The following IQCM variants were observed in gnomAD, a reference collection of about 807,000 sequenced individuals.
The protein encoded by IQCM is IQ motif containing M, also known as IQ domain-containing protein M.
Under a neutral mutation model 57.6 loss-of-function variants are expected in IQCM, and 45 were observed. The ratio of observed to expected loss-of-function variants is 0.78; its 90% CI spans 0.62 to 1.00. IQCM has a LOEUF of 1.00. Ranked by LOEUF, IQCM falls within the 50% of genes least tolerant of loss-of-function variation. IQCM has a pLI of 0.00. For synonymous variants in IQCM, 148 were observed against 158.9 expected (o/e 0.93, Z 0.51); for missense variants, 468 against 511.6 (o/e 0.91, Z 0.82).
intron 7 of IQCM, among the ~76,000 whole-genome samples, chr4:149,646,637 G>A (rs745528371): frequency 6.6e-5 from 10 of 151,986 alleles, no homozygotes; most frequent in African/African-American, 1.7e-4. Context: ...ATTTCCATAC[G>A]CTGAAGTTCT....
chr4:149,562,508 C>T (rs920432511), intron 10 of IQCM, among the ~76,000 whole-genome samples: 4 of 152,280 alleles, frequency 2.6e-5, no homozygotes, highest in East Asian at 3.9e-4. Context: ...ATTAGTTCAT[C>T]TCATTTTGGA....
chr4:149,742,560 G>T, intron 3 of IQCM, 95 bp downstream of exon 3: 1 of 607,296 alleles, frequency 1.6e-6, no homozygotes, highest in Non-Finnish European at 2.4e-6. Context: ...GCCAATAAGT[G>T]TAGTGCTCTG....
At chr4:149,395,471 A>G (rs1325481402) in intron 13 of IQCM, among the ~76,000 whole-genome samples, 1 of 152,056 alleles carries the variant, frequency 6.6e-6, no homozygotes, top group Non-Finnish European at 1.5e-5. Context: ...AATGATTTAC[A>G]TATGAGCATG....
intron 12 of IQCM, among the ~76,000 whole-genome samples, chr4:149,495,487 A>G (rs972577420): frequency 3.6e-4 from 55 of 152,154 alleles, no homozygotes; most frequent in African/African-American, 1.3e-3. Flanking sequence ...TCAAAAATCC[A>G]TGACTCTGAC....
rs187696589 is a variant in IQCM at position 149,575,109 on chromosome 4, C to T, written c.750-11219G>A. 2.2e-4 allele frequency among the ~76,000 whole-genome samples: 34 copies of T among 152,000 alleles called. No individual in the cohort carries two copies. The East Asian group carries it at 5.7e-3, about 25-fold the overall frequency. The stretch of plus-strand genomic sequence containing the variant: ...TGGATCTGCTGCTACCAAGCTGTGT[C>T]GAGGGCTTTCGTTTTCTGTACGTGC... On this transcript the variant is annotated intron_variant, in intron 9 of 13. Transcript: ENST00000636793.
intron 7 of IQCM, among the ~76,000 whole-genome samples, chr4:149,651,394 G>A (rs1454023627): frequency 6.6e-6 from 1 of 152,140 alleles, no homozygotes; most frequent in East Asian, 1.9e-4. Flanking sequence ...AACAAAGTGA[G>A]TTGCCCTTCA....
chr4:149,433,149 A>G (rs529072748), intron 13 of IQCM, among the ~76,000 whole-genome samples: 1 of 152,192 alleles, frequency 6.6e-6, no homozygotes, highest in East Asian at 1.9e-4. Context: ...GCAAAAGTGA[A>G]AACAACCCAA....
chr4:149,694,579 T>C (rs1763198513), intron 5 of IQCM, among the ~76,000 whole-genome samples: 1 of 152,014 alleles, frequency 6.6e-6, no homozygotes, highest in South Asian at 2.1e-4. Context: ...CATCTCTATT[T>C]CAGATTGTAA....
In IQCM at chr4:149,465,084, TAAC is replaced by T. The variant is rs539560363; in HGVS notation, c.1229-31530_1229-31528del. Among the ~76,000 whole-genome samples, 256 of 152,270 alleles carry T rather than the reference TAAC, an allele frequency of 1.7e-3. 2 individuals carry two copies. The highest frequency in any genetic ancestry group is 5.7e-3 in the African/African-American group (237 of 41,552). On this transcript the variant is annotated intron_variant, in intron 12 of 13. Coordinates refer to ENST00000636793, the MANE Select transcript of IQCM (RefSeq NM_001363507.2). ...CAGCTTACACAAGTGCCCAAACTAT[TAAC>T]AACAGGATTGATAACACATTCAAGA...
At chr4:149,509,094 C>T (rs1744137400) in intron 12 of IQCM, among the ~76,000 whole-genome samples, 1 of 152,068 alleles carries the variant, frequency 6.6e-6, no homozygotes, top group Admixed American at 6.5e-5. Flanking sequence ...TTGTAAATTG[C>T]CCAGTCTTGG....
At chr4:149,516,202 T>C (rs1744948314) in intron 12 of IQCM, among the ~76,000 whole-genome samples, 1 of 152,086 alleles carries the variant, frequency 6.6e-6, no homozygotes, top group Admixed American at 6.6e-5. Context: ...AGCTACCTGG[T>C]GGTAGGTTGA....
chr4:149,414,396 A>G (rs1205465433), intron 13 of IQCM, among the ~76,000 whole-genome samples: 1 of 152,154 alleles, frequency 6.6e-6, no homozygotes, highest in East Asian at 1.9e-4. Flanking sequence ...TTTCTATTAT[A>G]TAAGAATGCT....
intron 12 of IQCM, among the ~76,000 whole-genome samples, chr4:149,515,323 C>G (rs1411591344): frequency 6.6e-6 from 1 of 152,072 alleles, no homozygotes; most frequent in Non-Finnish European, 1.5e-5. Context: ...CCCATCTAGA[C>G]CCATAAAGTG....
chr4:149,813,712 T>G (rs1048256922), intron 2 of IQCM, among the ~76,000 whole-genome samples: 9 of 152,106 alleles, frequency 5.9e-5, no homozygotes, highest in African/African-American at 2.2e-4. Context: ...CTAAGCATCT[T>G]TATATTGAGC....
chr4:149,558,450 A>C (rs1357567085), intron 10 of IQCM, among the ~76,000 whole-genome samples: 5 of 152,238 alleles, frequency 3.3e-5, no homozygotes, highest in Non-Finnish European at 7.3e-5. Flanking sequence ...AAGAATGTAC[A>C]AGACTTTGCG....
At chr4:149,491,071 C>T (rs1742041437) in intron 12 of IQCM, among the ~76,000 whole-genome samples, 1 of 152,022 alleles carries the variant, frequency 6.6e-6, no homozygotes, top group South Asian at 2.1e-4. Flanking sequence ...TCTTGTGGAA[C>T]TGTGGATAAA....
rs138989539 is a variant in IQCM at position 149,790,327 on chromosome 4, C to T, written c.-49+24984G>A. The T allele has an allele frequency of 4.0e-3, 851 of 212,308 alleles. 4 individuals carry two copies. Among genetic ancestry groups the T allele is most frequent in the Non-Finnish European group, 6.2e-3 (597 of 96,480 alleles). 13.2% of individuals were successfully genotyped at this position (212,308 alleles called of 1,614,324 possible). On this transcript the variant is annotated intron_variant, in intron 2 of 13. Coordinates refer to ENST00000636793, the MANE Select transcript of IQCM (RefSeq NM_001363507.2). ...GAATCATGTATTCTGCATTTGCGAGCTGCCTTCTTCCTTGTTGAGTTGTTG... is the reference window on the plus strand; with the variant it reads ...GAATCATGTATTCTGCATTTGCGAGTTGCCTTCTTCCTTGTTGAGTTGTTG...
rs557960785 is a variant in IQCM, at chr4:149,807,610, C to A, written c.-49+7701G>T. On this transcript the variant is annotated intron_variant, in intron 2 of 13. Coordinates refer to ENST00000636793, the MANE Select transcript of IQCM (RefSeq NM_001363507.2). ...ATTACATCAAGCTAAAAGGTTTCTG[C>A]ACGCAAAGGAAACAATCAACAAAGT... 2.8e-4 allele frequency among the ~76,000 whole-genome samples: 43 copies of A among 151,928 alleles called. No homozygotes were observed. The South Asian group carries it at 8.1e-3, about 29-fold the overall frequency.
At chr4:149,659,160 A>G (rs1485417868) in intron 7 of IQCM, among the ~76,000 whole-genome samples, 1 of 142,206 alleles carries the variant, frequency 7.0e-6, no homozygotes, top group African/African-American at 2.4e-5. Flanking sequence ...AACTTTTTGA[A>G]GGGTTTTTTG....
Sources: allele counts gnomAD v4.1 joint callset (sites outside exome capture counted in the v4.1 genomes callset), GRCh38; gene constraint gnomAD v4.1.1; transcripts MANE v1.5; gene names NCBI Gene and HGNC (gene_info 2026-07-23, HGNC 2026-07-21).